ALDH1A1: variants seen among roughly 807,000 people sequenced by gnomAD.
ALDH1A1 encodes aldehyde dehydrogenase 1A1.
In ALDH1A1, 19 loss-of-function variants were observed where a neutral mutation model predicts 62.1. The observed-to-expected ratio is 0.31, with a 90% confidence interval of 0.21 to 0.45. ALDH1A1 has a LOEUF of 0.45. ALDH1A1 is among the 20% of genes least tolerant of loss of function. The pLI is 1.00. For missense variants in ALDH1A1, 521 were observed against 607.1 expected, an observed-to-expected ratio of 0.86 and a Z score of 1.49; for synonymous variants, 231 against 215.9, an observed-to-expected ratio of 1.07 and a Z score of -0.61.
chr9:72,901,008 G>A lies in ALDH1A1; in HGVS notation c.*200C>T, dbSNP rs1215111672. 1 of 445,684 alleles carries A rather than the reference G, an allele frequency of 2.2e-6. No homozygotes were observed. Among genetic ancestry groups the A allele is most frequent in the Non-Finnish European group, 4.0e-6 (1 of 248,676 alleles). 27.6% of individuals were successfully genotyped at this position (445,684 alleles called of 1,614,324 possible). A position where few individuals can be genotyped will look rare whatever the true frequency, so the allele number is the denominator to read the frequency against. On this transcript the variant is annotated 3_prime_UTR_variant, in exon 13 of 13. Transcript: ENST00000297785. ...TTTTTATTTAGGATAGGACTTGGGG[G>A]TCACATTTCAGAAGGCAAATAATTC...
chr9:72,901,504 A>G (rs887673937), intron 12 of ALDH1A1, among the ~76,000 whole-genome samples: 3 of 152,142 alleles, frequency 2.0e-5, no homozygotes, highest in African/African-American at 7.2e-5. Context: ...TTCATTTTAA[A>G]TAATCATGTA....
chr9:72,915,329 C>A (rs574507522), intron 9 of ALDH1A1, among the ~76,000 whole-genome samples: 1 of 151,970 alleles, frequency 6.6e-6, no homozygotes, highest in African/African-American at 2.4e-5. Flanking sequence ...AAGTACTGCC[C>A]AACAATTAGG....
rs1475453637 is a variant in ALDH1A1, at chr9:72,901,102, TA to T, written c.*105del. On this transcript the variant is annotated 3_prime_UTR_variant, in exon 13 of 13. Coordinates refer to ENST00000297785, the MANE Select transcript of ALDH1A1 (RefSeq NM_000689.5). ...ATACTAATATGATTTAGCTTATGTTTAAAAAAATCAAGAAAAGAAAAATTTT... is the reference window on the plus strand; with the variant it reads ...ATACTAATATGATTTAGCTTATGTTTAAAAAATCAAGAAAAGAAAAATTTT... 3.1e-5 allele frequency: 23 copies of T among 744,834 alleles called. No individual in the cohort carries two copies. Among genetic ancestry groups the T allele is most frequent in the East Asian group, 8.1e-5 (3 of 37,252 alleles). The allele number at this position is 744,834 out of a possible 1,614,324, so 46.1% of individuals were successfully genotyped here.
rs1335552650 is a variant in ALDH1A1, at chr9:72,906,124, C to T, written c.1359-92G>A. ...TTTTAGAAATTTGGAAAGCTCCTTACAAACTCCATTAATTTCATTATAACA... is the reference window on the plus strand; with the variant it reads ...TTTTAGAAATTTGGAAAGCTCCTTATAAACTCCATTAATTTCATTATAACA... On this transcript the variant is annotated intron_variant, in intron 11 of 12. Transcript: ENST00000297785. 1.8e-5 allele frequency: 15 copies of T among 856,702 alleles called. No individual in the cohort carries two copies. In the Admixed American group the frequency reaches 2.7e-4, roughly 15 times the overall value. The allele number at this position is 856,702 out of a possible 1,614,324, so 53.1% of individuals were successfully genotyped here. A position where few individuals can be genotyped will look rare whatever the true frequency, so the allele number is the denominator to read the frequency against.
chr9:72,910,054 T>C (rs762835167), intron 10 of ALDH1A1, among the ~76,000 whole-genome samples: 8 of 152,222 alleles, frequency 5.3e-5, no homozygotes, highest in Non-Finnish European at 1.2e-4. Flanking sequence ...CAACAAATCA[T>C]TAACTTCAGA....
Position 72,915,367 on chromosome 9 carries a change from C to G in ALDH1A1, c.1035+1553G>C, listed in dbSNP as rs117451551. 4.3e-3 allele frequency among the ~76,000 whole-genome samples: 662 copies of G among 152,250 alleles called. 2 individuals carry two copies. The highest frequency in any genetic ancestry group is 0.014 in the Middle Eastern group (4 of 294). On this transcript the variant is annotated intron_variant, in intron 9 of 12. Transcript: ENST00000297785. ...TTAGGTATCTTAGGTATTCTCTCCT[C>G]TCTTCAGATCTATCAATCAATCATC... is the stretch of plus-strand genomic sequence containing the variant.
chr9:72,911,759 G>T (rs1400746083), intron 10 of ALDH1A1, among the ~76,000 whole-genome samples, 199 bp downstream of exon 10: 1 of 152,228 alleles, frequency 6.6e-6, no homozygotes, highest in Non-Finnish European at 1.5e-5. Context: ...CTGAACATTT[G>T]TGGCTGGCCC....
At position 72,922,607 on chromosome 9, in the gene ALDH1A1, GA is replaced by G. The variant is rs200678842; in HGVS notation, c.747+1411del. Among the ~76,000 whole-genome samples, 162 of 150,928 alleles carry G rather than the reference GA, an allele frequency of 1.1e-3. 1 individual carries two copies. The highest frequency in any genetic ancestry group is 3.6e-3 in the African/African-American group (150 of 41,206). On this transcript the variant is annotated intron_variant, in intron 7 of 12. Coordinates refer to ENST00000297785, the MANE Select transcript of ALDH1A1 (RefSeq NM_000689.5). ...AACAGTAAAGATAGCTGATGAGAAT[GA>G]AAAAAAAATGTGTCGGGCTACATTC... is the stretch of plus-strand genomic sequence containing the variant.
chr9:72,948,854 G>A (rs764563503), intron 1 of ALDH1A1, among the ~76,000 whole-genome samples: 26 of 151,810 alleles, frequency 1.7e-4, no homozygotes, highest in Admixed American at 7.2e-4. Flanking sequence ...TGGGAGAAAC[G>A]AAAAGCAAAA....
chr9:72,901,809 G>A (rs901175174), intron 12 of ALDH1A1, among the ~76,000 whole-genome samples: 1 of 151,986 alleles, frequency 6.6e-6, no homozygotes, highest in African/African-American at 2.4e-5. Flanking sequence ...ATGTGTGATT[G>A]TCATAGAAGT....
intron 2 of ALDH1A1, among the ~76,000 whole-genome samples, chr9:72,938,499 T>C (rs780507778): frequency 1.3e-5 from 2 of 152,164 alleles, no homozygotes; most frequent in Non-Finnish European, 2.9e-5. Context: ...CCAGCTGGAC[T>C]GCAATGATGC....
At position 72,930,912 on chromosome 9, in the gene ALDH1A1, A is replaced by G; in HGVS notation, c.279T>C (p.Ala93=). The G allele has an allele frequency of 1.2e-6, 2 of 1,614,088 alleles. No homozygotes were observed. Among genetic ancestry groups the G allele is most frequent in the Non-Finnish European group, 1.7e-6 (2 of 1,179,974 alleles). The change falls in exon 3 of 13, where the codon GCT becomes GCC. Residue 93 remains alanine, a synonymous_variant. Coordinates refer to ENST00000297785, the MANE Select transcript of ALDH1A1 (RefSeq NM_000689.5). ...GCAGACGATCTCTTTCGATTAAATC[A>G]GCCAACTTGTATAATAGTCGCCCCC... ...SERGRLLYKL[A]DLIERDRLLL...
intron 7 of ALDH1A1, among the ~76,000 whole-genome samples, chr9:72,920,135 G>C (rs901717516): frequency 6.6e-6 from 1 of 152,108 alleles, no homozygotes; most frequent in Non-Finnish European, 1.5e-5. Flanking sequence ...GAACAAGAGA[G>C]AAATAGATGT....
chr9:72,917,177 C>G, intron 8 of ALDH1A1, 73 bp from the exon 9 acceptor site: 1 of 1,182,438 alleles, frequency 8.5e-7, no homozygotes. Context: ...TCAGAGGCAA[C>G]ATGGAGATAA....
intron 9 of ALDH1A1, among the ~76,000 whole-genome samples, chr9:72,915,800 T>C (rs903164513): frequency 2.0e-5 from 3 of 152,212 alleles, no homozygotes; most frequent in African/African-American, 7.2e-5. Context: ...TCTTTGTTCT[T>C]TTTGGCATTG....
chr9:72,902,989 C>A (rs1229471388), intron 12 of ALDH1A1, among the ~76,000 whole-genome samples: 1 of 150,204 alleles, frequency 6.7e-6, no homozygotes, highest in Non-Finnish European at 1.5e-5. Flanking sequence ...GGCACTAGTA[C>A]CACATTACAT....
chr9:72,904,736 T>C (rs1056778603), intron 12 of ALDH1A1, among the ~76,000 whole-genome samples: 1 of 152,122 alleles, frequency 6.6e-6, no homozygotes, highest in Non-Finnish European at 1.5e-5. Flanking sequence ...TCCTGACTCT[T>C]ATACTCTGGT....
At chr9:72,926,899 A>G in intron 5 of ALDH1A1, 1 of 452,386 alleles carries the variant, frequency 2.2e-6, no homozygotes, top group Non-Finnish European at 4.0e-6. Flanking sequence ...GTATTAAAAC[A>G]TTCTCAAGAG....
intron 1 of ALDH1A1, among the ~76,000 whole-genome samples, chr9:72,945,552 G>A (rs997885604): frequency 3.3e-5 from 5 of 152,014 alleles, no homozygotes; most frequent in African/African-American, 9.7e-5. Context: ...GGGTGGTGGT[G>A]TGAACCTGTG....
Sources: allele counts gnomAD v4.1 joint callset (sites outside exome capture counted in the v4.1 genomes callset), GRCh38; gene constraint gnomAD v4.1.1; transcripts MANE v1.5; gene names NCBI Gene and HGNC (gene_info 2026-07-23, HGNC 2026-07-21).